The following COL6A3 variants were observed in gnomAD, a reference collection of about 807,000 sequenced individuals.
The protein encoded by COL6A3 is collagen type VI alpha 3 chain.
COL6A3 carries 137 observed loss-of-function variants against 274.1 expected under a neutral mutation model. That is an observed-to-expected ratio of 0.50 (90% CI 0.44 to 0.58). The LOEUF (loss-of-function observed/expected upper bound fraction) is 0.58. Ranked by LOEUF, COL6A3 falls within the 20% of genes least tolerant of loss-of-function variation. COL6A3 has a pLI of 0.00. For missense variants in COL6A3, 3,950 were observed against 4,124.9 expected, an observed-to-expected ratio of 0.96 and a Z score of 1.16; for synonymous variants, 1,650 against 1,650.6, an observed-to-expected ratio of 1.00 and a Z score of 0.01.
chr2:237,396,074 T>A (rs1316653075), intron 2 of COL6A3, among the ~76,000 whole-genome samples: 1 of 152,222 alleles, frequency 6.6e-6, no homozygotes. Flanking sequence ...AAGAGCAACC[T>A]GGCCTGGAGG....
At chr2:237,367,390 A>C in intron 10 of COL6A3, 104 bp from the exon 11 acceptor site, 1 of 1,379,486 alleles carries the variant, frequency 7.2e-7, no homozygotes, top group African/African-American at 1.5e-5. Flanking sequence ...CATTCCTAAT[A>C]ATTTATTCAC....
At position 237,325,565 on chromosome 2, in the gene COL6A3, G is replaced by A; in HGVS notation, c.9488C>T (p.Ala3163Val). The A allele has an allele frequency of 6.2e-7, 1 of 1,614,114 alleles. No homozygotes were observed. Among genetic ancestry groups the A allele is most frequent in the East Asian group, 2.2e-5 (1 of 44,870 alleles). ...GSQKECEKVC[A>V]PVLAKPGVIS... Reference sequence around the variant, plus strand: ...CACAAGGAAGAATCACTTACCAGGAGCGCAAACCTTTTCACATTCTTTCTG... The same window carrying A: ...CACAAGGAAGAATCACTTACCAGGAACGCAAACCTTTTCACATTCTTTCTG... Residue 3163 changes from alanine to valine, a missense_variant, in exon 43 of 44, where the codon GCT (alanine) becomes GTT (valine). Transcript: ENST00000295550.
At chr2:237,397,401 A>G (rs76129358) in intron 1 of COL6A3, among the ~76,000 whole-genome samples, 10,241 of 150,218 alleles carry the variant, frequency 0.068, 895 homozygotes, top group African/African-American at 0.2. Context: ...GAAGAAAAAC[A>G]AAGAGGAGAG....
rs1218272240 is a variant in COL6A3 at position 237,364,841 on chromosome 2, G to T, written c.5839-413C>A. On this transcript the variant is annotated intron_variant, in intron 12 of 43. Transcript: ENST00000295550. The surrounding 1 kb of genome is among the most constrained non-coding windows in gnomAD (Gnocchi z 4.6). ...TGTGTGTGCATGTGTGGGTGTGTGGGTGTACATGTGTGTGGGTGCGTATGT... is the reference window on the plus strand; with the variant it reads ...TGTGTGTGCATGTGTGGGTGTGTGGTTGTACATGTGTGTGGGTGCGTATGT... Among the ~76,000 whole-genome samples the T allele has an allele frequency of 6.7e-6, 1 of 148,438 alleles. No homozygotes were observed. The highest frequency in any genetic ancestry group is 1.5e-5 in the Non-Finnish European group (1 of 67,090).
Position 237,369,047 on chromosome 2 carries a change from T to C in COL6A3, c.4416A>G (p.Lys1472=). ...TGAACTGCACGACCCCAACTCTCAC[T>C]TTACTGGGGCCGATGTTGAGTCTTC... is the stretch of plus-strand genomic sequence containing the variant. ...IVRRLNIGPS[K]VRVGVVQFSN... is the part of the protein sequence containing the mutation. Residue 1472 remains lysine (K), a synonymous_variant, in exon 10 of 44, where the codon AAA becomes AAG. Coordinates refer to ENST00000295550, the MANE Select transcript of COL6A3 (RefSeq NM_004369.4). 6.2e-7 allele frequency: 1 copy of C among 1,614,186 alleles called. No individual in the cohort carries two copies. Among genetic ancestry groups the C allele is most frequent in the Non-Finnish European group, 8.5e-7 (1 of 1,180,034 alleles).
chr2:237,396,486 T>G (rs1242141656), intron 2 of COL6A3, among the ~76,000 whole-genome samples: 1 of 152,194 alleles, frequency 6.6e-6, no homozygotes, highest in African/African-American at 2.4e-5. Context: ...AACAAATCAT[T>G]TTCAAGCCAA....
In COL6A3 at chr2:237,352,390, G is replaced by GT. The variant is rs2077225505; in HGVS notation, c.6753+131dup. ...TGCAAGGCCTGAGGTTAAATCTGGG[G>GT]TTTTTGTTGCCAAAGAGGAGAGCTA... On this transcript the variant is annotated intron_variant, in intron 26 of 43. Transcript: ENST00000295550. 4.4e-6 allele frequency: 4 copies of GT among 909,152 alleles called. 1 individual carries two copies. The Admixed American group carries it at 8.0e-5, about 18-fold the overall frequency. 56.3% of individuals were successfully genotyped at this position (909,152 alleles called of 1,614,324 possible).
intron 3 of COL6A3, among the ~76,000 whole-genome samples, chr2:237,393,285 G>T (rs554733092): frequency 1.3e-5 from 2 of 152,274 alleles, no homozygotes; most frequent in African/African-American, 4.8e-5. Flanking sequence ...ATAGCAACTG[G>T]ATGCCACTTC....
chr2:237,372,195 G>T lies in COL6A3; in HGVS notation c.3822C>A (p.Ile1274=). The T allele has an allele frequency of 6.2e-7, 1 of 1,614,150 alleles. No homozygotes were observed. Among genetic ancestry groups the T allele is most frequent in the Non-Finnish European group, 8.5e-7 (1 of 1,180,036 alleles). ...CCACCTTGGGGTCATCGCTGAACTGGATGACAGCCACCCGGGTGGTGTCAA... is the reference window on the plus strand; with the variant it reads ...CCACCTTGGGGTCATCGCTGAACTGTATGACAGCCACCCGGGTGGTGTCAA... ...VGFDTTRVAV[I]QFSDDPKVEF... is the part of the protein sequence containing the mutation. Residue 1274 remains isoleucine (I), a synonymous_variant, in exon 9 of 44, where the codon ATC becomes ATA. Coordinates refer to ENST00000295550, the MANE Select transcript of COL6A3 (RefSeq NM_004369.4).
At chr2:237,412,862 G>C (rs2078890359) in intron 1 of COL6A3, among the ~76,000 whole-genome samples, 1 of 152,088 alleles carries the variant, frequency 6.6e-6, no homozygotes, top group Non-Finnish European at 1.5e-5. Context: ...CCACAGCCCT[G>C]CCTCCCCATC....
intron 1 of COL6A3, among the ~76,000 whole-genome samples, chr2:237,403,415 G>T (rs2078642073): frequency 6.6e-6 from 1 of 152,156 alleles, no homozygotes; most frequent in East Asian, 1.9e-4. Context: ...CTGTGATTCA[G>T]ATTCTGAGAA....
intron 7 of COL6A3, among the ~76,000 whole-genome samples, chr2:237,375,375 C>G (rs2077810348): frequency 6.6e-6 from 1 of 152,086 alleles, no homozygotes; most frequent in Admixed American, 6.5e-5. Flanking sequence ...GCAGGCAGCC[C>G]CTGGAGGCTG....
chr2:237,397,017 T>TGATAGATAGATAGATAGATA lies in COL6A3; in HGVS notation c.-30-190_-30-171dup, dbSNP rs60589035. Among the ~76,000 whole-genome samples, 195 of 146,108 alleles carry TGATAGATAGATAGATAGATA rather than the reference T, an allele frequency of 1.3e-3. 1 individual carries two copies. The highest frequency in any genetic ancestry group is 2.0e-3 in the East Asian group (10 of 4,960). On this transcript the variant is annotated intron_variant, in intron 1 of 43. Coordinates refer to ENST00000295550, the MANE Select transcript of COL6A3 (RefSeq NM_004369.4). ...GATGGATGATAGACAGTTAGATAGA[T>TGATAGATAGATAGATAGATA]GATAGATAGATAGATAGATAGATAG...
Position 237,381,338 on chromosome 2 carries a change from T to G in COL6A3, c.1474A>C (p.Thr492Pro). Residue 492 changes from threonine (T) to proline (P), a missense_variant, in exon 5 of 44, where the codon ACT becomes CCT. By Grantham distance (38) the Thr-to-Pro change is conservative. This residue lies in a region of COL6A3 where 1,934 missense variants were observed against 1,984.3 expected (regional missense o/e 0.97). Transcript: ENST00000295550. ...IQVAVAQYAD[T>P]VRPEFYFNTH... ...TTGAAATAAAATTCAGGCCTCACAGTGTCTGCATACTGGGCCACTGCCACC... is the reference window on the plus strand; with the variant it reads ...TTGAAATAAAATTCAGGCCTCACAGGGTCTGCATACTGGGCCACTGCCACC... 1 of 1,614,260 alleles carries G rather than the reference T, an allele frequency of 6.2e-7. No homozygotes were observed.
chr2:237,356,336 T>C (rs2077315923), intron 23 of COL6A3, among the ~76,000 whole-genome samples: 1 of 152,200 alleles, frequency 6.6e-6, no homozygotes, highest in Non-Finnish European at 1.5e-5. Flanking sequence ...TTCCAAGCAG[T>C]TGATCCAGGT....
chr2:237,357,672 T>C, intron 22 of COL6A3, 145 bp downstream of exon 22: 1 of 896,352 alleles, frequency 1.1e-6, no homozygotes. Context: ...GAGACTTCCT[T>C]CACGGGGACT....
At chr2:237,365,089 T>C (rs2077521878) in intron 12 of COL6A3, among the ~76,000 whole-genome samples, 1 of 148,196 alleles carries the variant, frequency 6.7e-6, no homozygotes, top group Non-Finnish European at 1.5e-5. Flanking sequence ...TGAACCTTAA[T>C]CTAGTATGAC....
At position 237,397,730 on chromosome 2, in the gene COL6A3, A is replaced by T. The variant is rs146036581; in HGVS notation, c.-30-883T>A. Among the ~76,000 whole-genome samples the T allele has an allele frequency of 5.3e-3, 812 of 152,362 alleles. 16 individuals are homozygous for T. The highest frequency in any genetic ancestry group is 0.047 in the Admixed American group (714 of 15,304). On this transcript the variant is annotated intron_variant, in intron 1 of 43. Coordinates refer to ENST00000295550, the MANE Select transcript of COL6A3 (RefSeq NM_004369.4). ...TAGGCATTCATAGTAGTTTCTCCAC[A>T]ATCTGAAAATATTCTCTTTCTTTTT...
intron 1 of COL6A3, among the ~76,000 whole-genome samples, chr2:237,399,696 A>T (rs929183226): frequency 3.3e-5 from 5 of 152,218 alleles, no homozygotes; most frequent in African/African-American, 1.2e-4. Flanking sequence ...AACACATTTC[A>T]TGGGCTATTC....
Sources: allele counts gnomAD v4.1 joint callset (sites outside exome capture counted in the v4.1 genomes callset), GRCh38; gene constraint gnomAD v4.1.1; regional missense constraint gnomAD v4.1.1; non-coding constraint Gnocchi (gnomAD v3.1); transcripts MANE v1.5; gene names NCBI Gene and HGNC (gene_info 2026-07-23, HGNC 2026-07-21).